The following RAD51B variants were observed in gnomAD, a reference collection of about 807,000 sequenced individuals.
RAD51B encodes RAD51 paralog B.
RAD51B carries 38 observed loss-of-function variants against 42.2 expected under a neutral mutation model. The observed-to-expected ratio is 0.90, with a 90% CI of 0.70 to 1.18. The LOEUF (loss-of-function observed/expected upper bound fraction) is 1.18. RAD51B is among the 50% of genes most tolerant of loss of function. RAD51B has a pLI of 0.00. For synonymous variants in RAD51B, 154 were observed against 145.2 expected, an observed-to-expected ratio of 1.06 and a Z score of -0.43; for missense variants, 373 against 400.7, an observed-to-expected ratio of 0.93 and a Z score of 0.59.
At chr14:67,823,301 A>G (rs1159404403) in intron 1 of RAD51B, among the ~76,000 whole-genome samples, 1 of 152,218 alleles carries the variant, frequency 6.6e-6, no homozygotes, top group African/African-American at 2.4e-5. Flanking sequence ...ATTATATTTG[A>G]GGTTGCCTTG....
intron 8 of RAD51B, among the ~76,000 whole-genome samples, chr14:68,342,452 A>G (rs978647193): frequency 6.6e-6 from 1 of 152,158 alleles, no homozygotes; most frequent in Non-Finnish European, 1.5e-5. Flanking sequence ...AGCACTTCGC[A>G]CATTCAGATA....
At chr14:67,924,713 C>T (rs748351812) in intron 7 of RAD51B, among the ~76,000 whole-genome samples, 8 of 152,198 alleles carry the variant, frequency 5.3e-5, no homozygotes, top group East Asian at 3.9e-4. Context: ...TGTCACAACA[C>T]GTGGGAATTC....
intron 8 of RAD51B, among the ~76,000 whole-genome samples, chr14:68,335,305 A>G (rs2082430961): frequency 7.1e-6 from 1 of 141,726 alleles, no homozygotes; most frequent in African/African-American, 2.6e-5. Context: ...TCAAAAAAAA[A>G]AAAAAAAAGA....
At chr14:67,958,421 A>G (rs1021468314) in intron 7 of RAD51B, among the ~76,000 whole-genome samples, 25 of 152,196 alleles carry the variant, frequency 1.6e-4, no homozygotes, top group Non-Finnish European at 2.8e-4. Context: ...GCCACCACAA[A>G]GAGGCACTCT....
intron 3 of RAD51B, 108 bp from the exon 4 acceptor site, chr14:67,834,972 A>G: frequency 1.3e-6 from 1 of 749,688 alleles, no homozygotes; most frequent in Non-Finnish European, 2.2e-6. Context: ...ATAGAAGGGA[A>G]AAGGATGGAT....
chr14:67,989,654 A>AAG (rs1555337273), intron 7 of RAD51B, among the ~76,000 whole-genome samples: 2 of 150,504 alleles, frequency 1.3e-5, no homozygotes, highest in Non-Finnish European at 3.0e-5. Flanking sequence ...AAAAAAAAAA[A>AAG]AAAGAAAGAA....
intron 7 of RAD51B, among the ~76,000 whole-genome samples, chr14:68,101,977 T>C (rs528598091): frequency 6.6e-6 from 1 of 152,330 alleles, no homozygotes; most frequent in South Asian, 2.1e-4. Flanking sequence ...ACCCCAATTC[T>C]TGTCTTCTGT....
chr14:68,255,412 C>T (rs1032444220), intron 7 of RAD51B, among the ~76,000 whole-genome samples: 3 of 152,184 alleles, frequency 2.0e-5, no homozygotes, highest in African/African-American at 7.2e-5. Flanking sequence ...AGCCCTTGTA[C>T]CCTGGTTCTG....
At chr14:68,190,607 G>A (rs2079245471) in intron 7 of RAD51B, among the ~76,000 whole-genome samples, 1 of 152,036 alleles carries the variant, frequency 6.6e-6, no homozygotes, top group African/African-American at 2.4e-5. Context: ...ATCAGTCATT[G>A]TTGATGCCTG....
intron 10 of RAD51B, among the ~76,000 whole-genome samples, chr14:68,638,847 A>G (rs540686718): frequency 1.3e-5 from 2 of 152,334 alleles, no homozygotes; most frequent in Non-Finnish European, 2.9e-5. Context: ...GAAGGGTTTC[A>G]TATGGAGCTG....
In RAD51B at chr14:68,039,360, G is replaced by A. The variant is rs1341557107; in HGVS notation, c.756+152156G>A. 3.4e-5 allele frequency among the ~76,000 whole-genome samples: 5 copies of A among 147,300 alleles called. 1 individual carries two copies. Among genetic ancestry groups the A allele is most frequent in the East Asian group, 2.0e-4 (1 of 4,966 alleles). ...GGAGAATCGCTTGAACCTGAGAGGC[G>A]AAGGTTGCTGTGAGCCATTATGGCG... On this transcript the variant is annotated intron_variant, in intron 7 of 10. Transcript: ENST00000471583.
intron 10 of RAD51B, among the ~76,000 whole-genome samples, chr14:68,512,611 G>A (rs1192353377): frequency 6.6e-6 from 1 of 152,132 alleles, no homozygotes; most frequent in Non-Finnish European, 1.5e-5. Context: ...GAGCAGTCAT[G>A]CATGCATGCA....
At chr14:68,234,601 T>C (rs949290921) in intron 7 of RAD51B, among the ~76,000 whole-genome samples, 2 of 152,124 alleles carry the variant, frequency 1.3e-5, no homozygotes, top group African/African-American at 2.4e-5. Flanking sequence ...TGGAACACAA[T>C]GGCAAGTGTT....
At chr14:68,593,880 C>G (rs1226561730) in intron 10 of RAD51B, among the ~76,000 whole-genome samples, 1 of 152,194 alleles carries the variant, frequency 6.6e-6, no homozygotes, top group Non-Finnish European at 1.5e-5. Context: ...TGCAGTAAAT[C>G]TTTCCTAGAA....
intron 7 of RAD51B, among the ~76,000 whole-genome samples, chr14:68,098,620 T>A (rs2077236813): frequency 1.3e-5 from 2 of 152,186 alleles, no homozygotes; most frequent in Admixed American, 1.3e-4. Context: ...CTCGTGAGAC[T>A]TATTCACTAC....
At chr14:67,927,581 G>A (rs7142860) in intron 7 of RAD51B, among the ~76,000 whole-genome samples, 43,363 of 151,878 alleles carry the variant, frequency 0.29, 8,352 homozygotes, top group African/African-American at 0.55. Context: ...GAATGAGAAC[G>A]TGTGGTATTT....
chr14:68,495,589 G>A (rs1884448180), intron 10 of RAD51B, among the ~76,000 whole-genome samples: 1 of 152,020 alleles, frequency 6.6e-6, no homozygotes, highest in South Asian at 2.1e-4. Flanking sequence ...CGAAGCACGG[G>A]CTGCCAAGCG....
chr14:68,451,673 CAGAG>C (rs764568519), intron 9 of RAD51B, among the ~76,000 whole-genome samples: 15 of 152,198 alleles, frequency 9.9e-5, no homozygotes, highest in Non-Finnish European at 1.5e-4. Flanking sequence ...GCTGCGGTAA[CAGAG>C]AGAATTAATT....
chr14:68,110,207 T>G (rs1434948717), intron 7 of RAD51B, among the ~76,000 whole-genome samples: 1 of 151,922 alleles, frequency 6.6e-6, no homozygotes, highest in Admixed American at 6.6e-5. Context: ...GTAGGCTTGT[T>G]TTTTGAGGCA....
Sources: gnomAD v4.1 joint callset for allele counts (sites outside exome capture counted in the v4.1 genomes callset) on GRCh38, gnomAD v4.1.1 for gene constraint, MANE v1.5 for transcripts, NCBI Gene and HGNC (gene_info 2026-07-23, HGNC 2026-07-21) for gene names.